FTO: variants seen among roughly 807,000 people sequenced by gnomAD.
The protein encoded by FTO is alpha-ketoglutarate-dependent dioxygenase FTO.
A neutral mutation model predicts 63.9 loss-of-function variants in FTO; 47 were observed. That is an observed-to-expected ratio of 0.74 (90% CI 0.58 to 0.94). The LOEUF (loss-of-function observed/expected upper bound fraction) is 0.94. Ranked by LOEUF, FTO falls within the 40% of genes least tolerant of loss-of-function variation. The pLI is 0.00. For synonymous variants in FTO, 207 were observed against 224.4 expected, an observed-to-expected ratio of 0.92 and a Z score of 0.69; for missense variants, 562 against 618.1, an observed-to-expected ratio of 0.91 and a Z score of 0.96.
At chr16:54,069,306 C>G (rs549234689) in intron 8 of FTO, among the ~76,000 whole-genome samples, 1 of 152,066 alleles carries the variant, frequency 6.6e-6, no homozygotes, top group Admixed American at 6.6e-5. Flanking sequence ...ATGTTTGGCC[C>G]CTGTGGAGTC....
At position 53,843,681 on chromosome 16, in the gene FTO, G is replaced by A. The variant is rs116673042; in HGVS notation, c.752-474G>A. ...TACTAACCCCATTCATCTAAAAAATGATCCCTTTGGTCTTTTTATTTATAT... is the reference window on the plus strand; with the variant it reads ...TACTAACCCCATTCATCTAAAAAATAATCCCTTTGGTCTTTTTATTTATAT... On this transcript the variant is annotated intron_variant, in intron 3 of 8. Transcript: ENST00000471389. Among the ~76,000 whole-genome samples, 859 of 152,144 alleles carry A rather than the reference G, an allele frequency of 5.6e-3. 5 individuals carry two copies. The highest frequency in any genetic ancestry group is 0.019 in the African/African-American group (808 of 41,538).
chr16:54,077,587 G>A (rs151099526), intron 8 of FTO, among the ~76,000 whole-genome samples: 28 of 152,262 alleles, frequency 1.8e-4, no homozygotes, highest in East Asian at 3.9e-4. Flanking sequence ...CACGGGCAGC[G>A]GTAGGACAAT....
chr16:53,837,944 C>G (rs2079349984), intron 3 of FTO, among the ~76,000 whole-genome samples: 1 of 152,184 alleles, frequency 6.6e-6, no homozygotes, highest in South Asian at 2.1e-4. Flanking sequence ...TCTCCACCCA[C>G]CTCTCCAGGC....
intron 8 of FTO, among the ~76,000 whole-genome samples, chr16:53,989,895 T>C (rs539006382): frequency 6.6e-6 from 1 of 150,392 alleles, no homozygotes; most frequent in African/African-American, 2.4e-5. Flanking sequence ...GATGAAGACC[T>C]TTAAGATGAT....
chr16:53,973,951 C>T (rs911007227), intron 8 of FTO, among the ~76,000 whole-genome samples: 1 of 152,184 alleles, frequency 6.6e-6, no homozygotes, highest in African/African-American at 2.4e-5. Flanking sequence ...ATGATAAGCT[C>T]TAGCCAATGG....
At chr16:53,804,209 C>T (rs1010342801) in intron 1 of FTO, among the ~76,000 whole-genome samples, 1 of 152,188 alleles carries the variant, frequency 6.6e-6, no homozygotes, top group Non-Finnish European at 1.5e-5. Context: ...AGGCTATACA[C>T]ACATAACAAA....
At chr16:53,889,716 G>A (rs545072525) in intron 7 of FTO, among the ~76,000 whole-genome samples, 35 of 152,154 alleles carry the variant, frequency 2.3e-4, no homozygotes, top group Admixed American at 4.6e-4. Flanking sequence ...TAAAAACAAG[G>A]CCAGAAGTCA....
At chr16:53,771,411 C>T (rs2077336366) in intron 1 of FTO, among the ~76,000 whole-genome samples, 1 of 152,124 alleles carries the variant, frequency 6.6e-6, no homozygotes, top group Non-Finnish European at 1.5e-5. Context: ...TGCCATCCTT[C>T]TCCAAGCCAC....
chr16:53,890,137 T>C (rs1354926109), intron 7 of FTO, among the ~76,000 whole-genome samples: 2 of 152,136 alleles, frequency 1.3e-5, no homozygotes, highest in African/African-American at 4.8e-5. Context: ...AGAAAAGTGG[T>C]AAAAGCCTGC....
At chr16:53,993,488 G>A (rs751930779) in intron 8 of FTO, 6 of 152,142 alleles carry the variant, frequency 3.9e-5, no homozygotes, top group Non-Finnish European at 5.9e-5. Flanking sequence ...AATTAAGAGG[G>A]GAACTTTCAG....
intron 1 of FTO, among the ~76,000 whole-genome samples, chr16:53,775,331 C>G (rs1193432505): frequency 6.6e-6 from 1 of 152,090 alleles, no homozygotes. Context: ...TGTCTTGGTA[C>G]TATGTGAGAT....
At chr16:53,967,891 T>C (rs959503069) in intron 8 of FTO, among the ~76,000 whole-genome samples, 1 of 152,224 alleles carries the variant, frequency 6.6e-6, no homozygotes, top group Non-Finnish European at 1.5e-5. Flanking sequence ...TTTTTATTAT[T>C]ATTTGCAGGA....
chr16:53,748,937 T>A lies in FTO; in HGVS notation c.45+44708T>A, dbSNP rs562549104. On this transcript the variant is annotated intron_variant, in intron 1 of 8. Coordinates refer to ENST00000471389, the MANE Select transcript of FTO (RefSeq NM_001080432.3). ...TGCCACCGTGCCCGGCCAACTTTTT[T>A]GTATTTTTAGTAGAGACGAGGTTTC... Among the ~76,000 whole-genome samples the A allele has an allele frequency of 2.0e-5, 3 of 151,340 alleles. No individual in the cohort carries two copies. In the East Asian group the frequency reaches 5.9e-4, roughly 30 times the overall value.
At chr16:54,014,616 C>T (rs1293738989) in intron 8 of FTO, among the ~76,000 whole-genome samples, 2 of 151,956 alleles carry the variant, frequency 1.3e-5, no homozygotes, top group Admixed American at 1.3e-4. Context: ...TAGGACACCC[C>T]CCAAATGTGA....
intron 2 of FTO, among the ~76,000 whole-genome samples, chr16:53,812,107 C>T (rs574337406): frequency 1.2e-4 from 18 of 152,166 alleles, no homozygotes; most frequent in Non-Finnish European, 2.1e-4. Flanking sequence ...CCCACCATGC[C>T]CAGCCTGTCT....
Position 54,069,534 on chromosome 16 carries a change from G to A in FTO, c.1365-42228G>A, listed in dbSNP as rs568103005. ...AGGCAATAGAGAATCTATACCAAGA[G>A]TGATTATATCTGAGCAGTAGAATTG... is the stretch of plus-strand genomic sequence containing the variant. On this transcript the variant is annotated intron_variant, in intron 8 of 8. Transcript: ENST00000471389. Among the ~76,000 whole-genome samples the A allele has an allele frequency of 2.6e-5, 4 of 152,254 alleles. 1 individual carries two copies. The highest frequency in any genetic ancestry group is 7.2e-5 in the African/African-American group (3 of 41,550).
chr16:53,787,722 G>A (rs1295531613), intron 1 of FTO, among the ~76,000 whole-genome samples: 1 of 152,092 alleles, frequency 6.6e-6, no homozygotes, highest in Non-Finnish European at 1.5e-5. Context: ...CTTAGACTGT[G>A]TAGCATGTCC....
chr16:53,961,577 G>T (rs866777148), intron 8 of FTO, among the ~76,000 whole-genome samples: 1 of 152,200 alleles, frequency 6.6e-6, no homozygotes, highest in Non-Finnish European at 1.5e-5. Flanking sequence ...CCCAACTTCT[G>T]TTGAAGCCTG....
intron 4 of FTO, among the ~76,000 whole-genome samples, chr16:53,856,643 G>A (rs1488979044): frequency 7.3e-5 from 7 of 95,370 alleles, no homozygotes; most frequent in African/African-American, 3.1e-4. Flanking sequence ...CCAGCTACTC[G>A]AGAGGCTGAG....
Sources: gnomAD v4.1 joint callset for allele counts (sites outside exome capture counted in the v4.1 genomes callset) on GRCh38, gnomAD v4.1.1 for gene constraint, MANE v1.5 for transcripts, NCBI Gene and HGNC (gene_info 2026-07-23, HGNC 2026-07-21) for gene names.